DLGAP1: variants seen among roughly 807,000 people sequenced by gnomAD.
The protein encoded by DLGAP1 is disks large-associated protein 1.
A neutral mutation model predicts 90.8 loss-of-function variants in DLGAP1; 11 were observed. The observed-to-expected ratio is 0.12, with a 90% confidence interval of 0.08 to 0.20. DLGAP1 has a LOEUF of 0.20. DLGAP1 is among the 10% of genes least tolerant of loss of function. DLGAP1 has a pLI of 1.00. For missense variants in DLGAP1, 1,050 were observed against 1,333.8 expected (o/e 0.79, Z 3.31); for synonymous variants, 558 against 540.7 (o/e 1.03, Z -0.44).
intron 2 of DLGAP1, among the ~76,000 whole-genome samples, chr18:4,144,236 A>C (rs957848147): frequency 7.9e-5 from 12 of 152,194 alleles, no homozygotes; most frequent in African/African-American, 2.7e-4. Context: ...TTAGAACCCC[A>C]GAGCACTTTA....
chr18:3,874,556 C>T lies in DLGAP1; in HGVS notation c.957+4556G>A, dbSNP rs911805017. On this transcript the variant is annotated intron_variant, in intron 4 of 12. Coordinates refer to ENST00000315677, the MANE Select transcript of DLGAP1 (RefSeq NM_004746.4). ...AAAACAAAACAACAACAAAAACCAC[C>T]TTTTATTCTATCTCTGAACCTCTTC... The T allele has an allele frequency of 1.1e-5, 17 of 1,483,222 alleles. No individual in the cohort carries two copies. In the African/African-American group the frequency reaches 2.0e-4, roughly 17 times the overall value. The allele number at this position is 1,483,222 out of a possible 1,614,324, so 91.9% of individuals were successfully genotyped here. A position where few individuals can be genotyped will look rare whatever the true frequency, so the allele number is the denominator to read the frequency against.
At chr18:3,752,380 C>A (rs2063533971) in intron 5 of DLGAP1, among the ~76,000 whole-genome samples, 1 of 152,100 alleles carries the variant, frequency 6.6e-6, no homozygotes, top group Non-Finnish European at 1.5e-5. Context: ...TAGCCCAAAT[C>A]CCACATCTAC....
In DLGAP1 at chr18:3,729,135, C is replaced by G; in HGVS notation, c.1591G>C (p.Val531Leu). 1 of 1,606,798 alleles carries G rather than the reference C, an allele frequency of 6.2e-7. No homozygotes were observed. The change falls in exon 7 of 13, where the codon GTG becomes CTG. Residue 531 changes from valine to leucine, a missense_variant and splice_region_variant. This residue lies in a region of DLGAP1 where 565 missense variants were observed against 879.7 expected (regional missense o/e 0.64). Coordinates refer to ENST00000315677, the MANE Select transcript of DLGAP1 (RefSeq NM_004746.4). The surrounding 1 kb of genome is among the most constrained non-coding windows in gnomAD (Gnocchi z 6.2). ...TTVRTIQSST[V>L]SSCITTYKKT... ...GCTGGCTGAGGGCCCGCGCACTCACCCGTGCTGCTCTGGATGGTCCTAACG... is the reference window on the plus strand; with the variant it reads ...GCTGGCTGAGGGCCCGCGCACTCACGCGTGCTGCTCTGGATGGTCCTAACG...
At chr18:3,823,270 G>A (rs559405382) in intron 4 of DLGAP1, among the ~76,000 whole-genome samples, 1 of 152,278 alleles carries the variant, frequency 6.6e-6, no homozygotes, top group African/African-American at 2.4e-5. Flanking sequence ...CAGTCAGCAA[G>A]CATCTCTGGA....
At chr18:3,955,493 C>A (rs143332086) in intron 3 of DLGAP1, among the ~76,000 whole-genome samples, 1 of 151,978 alleles carries the variant, frequency 6.6e-6, no homozygotes, top group Non-Finnish European at 1.5e-5. Flanking sequence ...GGGTAGATCA[C>A]CTGAGGTCAG....
At chr18:4,123,039 A>G (rs895891668) in intron 2 of DLGAP1, among the ~76,000 whole-genome samples, 13 of 152,202 alleles carry the variant, frequency 8.5e-5, no homozygotes, top group African/African-American at 3.1e-4. Context: ...AGTAGTGATA[A>G]TTAATCTGTT....
chr18:3,908,257 A>G (rs920709222), intron 3 of DLGAP1, among the ~76,000 whole-genome samples: 1 of 152,234 alleles, frequency 6.6e-6, no homozygotes, highest in African/African-American at 2.4e-5. Flanking sequence ...GGAGAGGGAT[A>G]TATGCATGAT....
intron 1 of DLGAP1, among the ~76,000 whole-genome samples, chr18:4,299,071 A>ACT (rs1276195727): frequency 7.5e-6 from 1 of 133,352 alleles, no homozygotes; most frequent in Non-Finnish European, 1.5e-5. Context: ...ACAGAGCGAG[A>ACT]CTCTGTCTCA....
chr18:4,125,332 G>C (rs1428790861), intron 2 of DLGAP1, among the ~76,000 whole-genome samples: 1 of 152,216 alleles, frequency 6.6e-6, no homozygotes, highest in Non-Finnish European at 1.5e-5. Flanking sequence ...GGGGCTACAG[G>C]AGGAGGCCAG....
At chr18:3,922,928 T>C (rs1292632026) in intron 3 of DLGAP1, among the ~76,000 whole-genome samples, 4 of 151,634 alleles carry the variant, frequency 2.6e-5, no homozygotes, top group African/African-American at 4.8e-5. Flanking sequence ...AGGTCAGGAG[T>C]CTGAGACCAG....
intron 2 of DLGAP1, among the ~76,000 whole-genome samples, chr18:4,053,128 C>A (rs1474969148): frequency 6.6e-6 from 1 of 152,192 alleles, no homozygotes; most frequent in African/African-American, 2.4e-5. Flanking sequence ...GCCCTACTGT[C>A]TGCAGTACCA....
At position 3,624,794 on chromosome 18, in the gene DLGAP1, C is replaced by T. The variant is rs1392020528; in HGVS notation, c.1592-42546G>A. Among the ~76,000 whole-genome samples the T allele has an allele frequency of 2.0e-5, 3 of 152,112 alleles. No individual in the cohort carries two copies. In the East Asian group the frequency reaches 5.8e-4, roughly 29 times the overall value. ...AGCTACAGGGAAGGTTTGATCATAT[C>T]ACATCTGAGTTAGGCCATATGCACC... On this transcript the variant is annotated intron_variant, in intron 7 of 12. Transcript: ENST00000315677.
chr18:4,018,839 G>A (rs1486194041), intron 2 of DLGAP1, among the ~76,000 whole-genome samples: 2 of 152,334 alleles, frequency 1.3e-5, no homozygotes, highest in African/African-American at 4.8e-5. Context: ...AGCAAAAGTA[G>A]AGGGGAAAGA....
chr18:4,112,813 T>C (rs897430454), intron 2 of DLGAP1, among the ~76,000 whole-genome samples: 2 of 152,190 alleles, frequency 1.3e-5, no homozygotes, highest in Non-Finnish European at 1.5e-5. Flanking sequence ...TTTATATCCA[T>C]GTGTATCCAA....
chr18:4,316,903 C>T (rs1474910806), intron 1 of DLGAP1, among the ~76,000 whole-genome samples: 3 of 152,104 alleles, frequency 2.0e-5, no homozygotes, highest in Non-Finnish European at 4.4e-5. Context: ...CATCAATTTG[C>T]GGTTGCCCCC....
At chr18:3,659,686 G>C (rs1030646455) in intron 7 of DLGAP1, among the ~76,000 whole-genome samples, 2 of 151,540 alleles carry the variant, frequency 1.3e-5, no homozygotes, top group South Asian at 4.2e-4. Context: ...CTACCTCAGC[G>C]TCCCGAGTAG....
chr18:4,198,657 T>C (rs2077548253), intron 1 of DLGAP1, among the ~76,000 whole-genome samples: 1 of 152,194 alleles, frequency 6.6e-6, no homozygotes, highest in Non-Finnish European at 1.5e-5. Flanking sequence ...AATTGCAGTT[T>C]TCAAAATTTT....
At chr18:4,021,424 G>T (rs2074606414) in intron 2 of DLGAP1, among the ~76,000 whole-genome samples, 2 of 151,928 alleles carry the variant, frequency 1.3e-5, no homozygotes, top group South Asian at 4.2e-4. Context: ...TTTGCCATGT[G>T]ACATGCCTAC....
At chr18:4,100,916 T>C (rs916324642) in intron 2 of DLGAP1, among the ~76,000 whole-genome samples, 2 of 152,230 alleles carry the variant, frequency 1.3e-5, no homozygotes, top group Non-Finnish European at 2.9e-5. Flanking sequence ...AGGGCCTTGC[T>C]TTGGTTTAGG....
Sources: gnomAD v4.1 joint callset for allele counts (sites outside exome capture counted in the v4.1 genomes callset) on GRCh38, gnomAD v4.1.1 for gene constraint, gnomAD v4.1.1 regional missense constraint, Gnocchi (gnomAD v3.1) non-coding constraint, MANE v1.5 for transcripts, NCBI Gene and HGNC (gene_info 2026-07-23, HGNC 2026-07-21) for gene names.